Variants in NRXN3 observed in about 807,000 individuals in gnomAD.
The protein encoded by NRXN3 is neurexin III.
Under a neutral mutation model 137.6 loss-of-function variants are expected in NRXN3, and 32 were observed. That is an observed-to-expected ratio of 0.23 (90% confidence interval 0.18 to 0.31). NRXN3 has a LOEUF of 0.31. Among genes scored for constraint, NRXN3 ranks in the 10% least tolerant of loss-of-function variants. The probability of loss-of-function intolerance (pLI) is 1.00; values close to 1 mark genes in which losing one functional copy is unlikely to be tolerated. For synonymous variants in NRXN3, 798 were observed against 784.5 expected (o/e 1.02, Z -0.29); for missense variants, 1,574 against 2,062.5 (o/e 0.76, Z 4.59).
chr14:79,124,103 G>A (rs2055980862), intron 15 of NRXN3, among the ~76,000 whole-genome samples: 1 of 152,218 alleles, frequency 6.6e-6, no homozygotes, highest in Admixed American at 6.5e-5. Context: ...AGGTCTGGGG[G>A]CTTTTCTGTG....
intron 15 of NRXN3, among the ~76,000 whole-genome samples, chr14:79,267,019 G>A (rs1286842616): frequency 3.3e-5 from 5 of 152,156 alleles, no homozygotes; most frequent in Non-Finnish European, 5.9e-5. Flanking sequence ...ATAATTGAAA[G>A]TTGACTGTAA....
intron 16 of NRXN3, among the ~76,000 whole-genome samples, chr14:79,540,670 G>A (rs948992093): frequency 1.3e-5 from 2 of 152,158 alleles, no homozygotes; most frequent in African/African-American, 4.8e-5. Flanking sequence ...AGCACAGGTT[G>A]TTATGGAAAC....
chr14:78,336,275 T>G (rs895359867), intron 4 of NRXN3, among the ~76,000 whole-genome samples: 2 of 152,210 alleles, frequency 1.3e-5, no homozygotes, highest in African/African-American at 2.4e-5. Context: ...TGATTATCTT[T>G]AATGTGTTAA....
chr14:78,640,851 T>G (rs2152564750), intron 4 of NRXN3, among the ~76,000 whole-genome samples: 1 of 152,356 alleles, frequency 6.6e-6, no homozygotes, highest in East Asian at 1.9e-4. Flanking sequence ...ATTTTTACAC[T>G]TATGCAGTTG....
chr14:79,432,668 A>G (rs1256068426), intron 15 of NRXN3, among the ~76,000 whole-genome samples: 1 of 152,060 alleles, frequency 6.6e-6, no homozygotes, highest in Admixed American at 6.6e-5. Context: ...TATTTTTTCT[A>G]TTTTCAGAAA....
chr14:78,562,796 G>T (rs7160080), intron 4 of NRXN3, among the ~76,000 whole-genome samples: 1 of 152,116 alleles, frequency 6.6e-6, no homozygotes. Flanking sequence ...AAAATATAAA[G>T]TGATAGATAA....
At chr14:79,620,286 T>C (rs990956389) in intron 16 of NRXN3, among the ~76,000 whole-genome samples, 4 of 152,160 alleles carry the variant, frequency 2.6e-5, no homozygotes, top group Non-Finnish European at 5.9e-5. Context: ...ACAAATTGCA[T>C]GTAAAACACT....
At chr14:79,336,776 T>A (rs1400514017) in intron 15 of NRXN3, among the ~76,000 whole-genome samples, 1 of 152,212 alleles carries the variant, frequency 6.6e-6, no homozygotes, top group Non-Finnish European at 1.5e-5. Flanking sequence ...TGAAGCACTA[T>A]CTCAGTTGGC....
At chr14:78,485,726 C>T (rs1379385664) in intron 4 of NRXN3, among the ~76,000 whole-genome samples, 6 of 152,152 alleles carry the variant, frequency 3.9e-5, no homozygotes, top group Non-Finnish European at 2.9e-5. Context: ...TTTCTTATCT[C>T]TTCTATGTTT....
At chr14:79,846,378 C>T (rs1272349769) in intron 20 of NRXN3, among the ~76,000 whole-genome samples, 1 of 151,972 alleles carries the variant, frequency 6.6e-6, no homozygotes, top group Non-Finnish European at 1.5e-5. Context: ...GTTTCCACAC[C>T]TAATTACAGT....
chr14:79,624,800 T>TG (rs1215604967), intron 16 of NRXN3, among the ~76,000 whole-genome samples: 2 of 132,760 alleles, frequency 1.5e-5, no homozygotes, highest in African/African-American at 7.0e-5. Flanking sequence ...CGTTTTTTTT[T>TG]TTGTTTGTTT....
rs118092777 is a variant in NRXN3 at position 79,743,523 on chromosome 14, C to G, written c.4014+45586C>G. Among the ~76,000 whole-genome samples the G allele has an allele frequency of 9.4e-4, 143 of 152,264 alleles. 1 individual carries two copies. The highest frequency in any genetic ancestry group is 1.4e-3 in the Non-Finnish European group (94 of 68,018). ...AATGAGAATGACTTAACCCCCCACC[C>G]CACAACACTTTAATAGGTTTAGGAT... On this transcript the variant is annotated intron_variant, in intron 19 of 20. Coordinates refer to ENST00000335750, the MANE Select transcript of NRXN3 (RefSeq NM_001330195.2).
At chr14:78,875,122 A>G (rs1358805198) in intron 10 of NRXN3, among the ~76,000 whole-genome samples, 3 of 152,220 alleles carry the variant, frequency 2.0e-5, no homozygotes, top group Non-Finnish European at 4.4e-5. Context: ...ACCAGCTTGC[A>G]TAACGTTTTG....
rs143670509 is a variant in NRXN3 at position 78,250,124 on chromosome 14, T to C, written c.709+6322T>C. On this transcript the variant is annotated intron_variant, in intron 2 of 20. Transcript: ENST00000335750. ...AGGAAGCTCGGGGCAAGAGGTTAAA[T>C]AACTTGCCCAAGATTGTGCAGGTAT... 2.2e-3 allele frequency: 1,131 copies of C among 515,766 alleles called. 11 individuals carry two copies. The highest frequency in any genetic ancestry group is 0.02 in the African/African-American group (1,046 of 52,014). 31.9% of individuals were successfully genotyped at this position (515,766 alleles called of 1,614,324 possible). A position where few individuals can be genotyped will look rare whatever the true frequency, so the allele number is the denominator to read the frequency against.
chr14:79,227,848 C>CCCTCCCTTCCTG (rs2071350658), intron 15 of NRXN3, among the ~76,000 whole-genome samples: 1 of 140,378 alleles, frequency 7.1e-6, no homozygotes, highest in Non-Finnish European at 1.6e-5. Context: ...CTCCCTTCCT[C>CCCTCCCTTCCTG]CCTCCCTTCC....
chr14:78,654,612 C>T (rs1009942872), intron 6 of NRXN3, among the ~76,000 whole-genome samples: 4 of 152,366 alleles, frequency 2.6e-5, no homozygotes, highest in Admixed American at 6.5e-5. Flanking sequence ...CACAACAAAG[C>T]GTCCACATTG....
intron 2 of NRXN3, among the ~76,000 whole-genome samples, chr14:78,249,660 A>G (rs1253188606): frequency 1.3e-5 from 2 of 152,116 alleles, no homozygotes; most frequent in Non-Finnish European, 2.9e-5. Flanking sequence ...CCTTACACAA[A>G]ATAATAATGA....
chr14:79,642,990 G>A (rs1266124224), intron 16 of NRXN3, among the ~76,000 whole-genome samples: 3 of 135,858 alleles, frequency 2.2e-5, no homozygotes, highest in South Asian at 2.3e-4. Context: ...AGAAGACTCT[G>A]CCAGCAGAAC....
chr14:79,199,553 C>T (rs1478973552), intron 15 of NRXN3, among the ~76,000 whole-genome samples: 2 of 151,934 alleles, frequency 1.3e-5, no homozygotes, highest in Admixed American at 6.6e-5. Flanking sequence ...AATTGAAAGT[C>T]GAAAAAAGTT....
Sources: gnomAD v4.1 joint callset for allele counts (sites outside exome capture counted in the v4.1 genomes callset) on GRCh38, gnomAD v4.1.1 for gene constraint, MANE v1.5 for transcripts, NCBI Gene and HGNC (gene_info 2026-07-23, HGNC 2026-07-21) for gene names.